Variants in USP9X observed in about 807,000 individuals in gnomAD.
USP9X encodes ubiquitin specific peptidase 9 X-linked.
USP9X carries 7 observed loss-of-function variants against 190.3 expected under a neutral mutation model. The ratio of observed to expected loss-of-function variants is 0.04; its 90% confidence interval spans 0.02 to 0.07. USP9X has a LOEUF of 0.07. Among genes scored for constraint, USP9X ranks in the 10% least tolerant of loss-of-function variants. USP9X has a pLI of 1.00. For missense variants in USP9X, 1,010 were observed against 1,916.9 expected (o/e 0.53, Z 8.83); for synonymous variants, 645 against 659.5 (o/e 0.98, Z 0.34).
At chrX:41,199,113 G>A (rs1055232098) in intron 30 of USP9X, among the ~76,000 whole-genome samples, 2 of 110,994 alleles carry the variant, frequency 1.8e-5, no homozygotes, top group Admixed American at 9.6e-5. Context: ...GAACCCAGGA[G>A]GTGGAGGTTG....
intron 36 of USP9X, 122 bp from the exon 37 acceptor site, chrX:41,218,250 G>T: frequency 1.6e-6 from 1 of 644,925 alleles, no homozygotes; most frequent in Non-Finnish European, 2.3e-6. Context: ...AACCTTTGCT[G>T]GTTCTCTCCA....
intron 1 of USP9X, among the ~76,000 whole-genome samples, chrX:41,090,793 G>T (rs191304215): frequency 3.6e-5 from 4 of 111,256 alleles, no homozygotes; most frequent in Non-Finnish European, 7.5e-5. Flanking sequence ...AAAAATTCCA[G>T]ACTGAAACAC....
intron 9 of USP9X, among the ~76,000 whole-genome samples, chrX:41,142,824 C>G (rs756574445): frequency 7.2e-5 from 8 of 111,878 alleles, no homozygotes; most frequent in Non-Finnish European, 1.3e-4. Context: ...AATAATGTAT[C>G]TCTTACTAGG....
intron 20 of USP9X, chrX:41,171,515 A>C (rs905692876): frequency 2.1e-5 from 5 of 241,871 alleles, no homozygotes; most frequent in East Asian, 9.6e-5. Context: ...TTGGCTCTCT[A>C]TAACAACTGG....
chrX:41,166,144 A>G lies in USP9X; in HGVS notation c.2258A>G (p.Lys753Arg). The change falls in exon 16 of 45, where the codon AAA becomes AGA. Residue 753 changes from lysine (K) to arginine (R), a missense_variant. Lys to Arg is a conservative substitution (Grantham distance 26, BLOSUM62 2). Transcript: ENST00000378308. ...FFKAVNCREG[K>R]LVAKRRAYMM... ...AAAGCTGTGAATTGTCGAGAAGGAAAACTAGTAGCAAAAAGGAGAGCCTAT... is the reference window on the plus strand; with the variant it reads ...AAAGCTGTGAATTGTCGAGAAGGAAGACTAGTAGCAAAAAGGAGAGCCTAT... The G allele has an allele frequency of 8.3e-7, 1 of 1,211,069 alleles. No homozygotes were observed. Among genetic ancestry groups the G allele is most frequent in the Non-Finnish European group, 1.1e-6 (1 of 895,137 alleles).
intron 21 of USP9X, among the ~76,000 whole-genome samples, chrX:41,182,428 T>TC (rs1198327817): frequency 9.1e-6 from 1 of 109,633 alleles, no homozygotes; most frequent in African/African-American, 3.3e-5. Context: ...TTTTTTTTTT[T>TC]CCTCCTACTC....
chrX:41,146,681 TTTTG>T (rs1281388353), intron 11 of USP9X, among the ~76,000 whole-genome samples: 42 of 70,061 alleles, frequency 6.0e-4, no homozygotes, highest in East Asian at 9.4e-4. Context: ...TTTTTTTTTT[TTTTG>T]GGTGAATGCC....
In USP9X at chrX:41,085,991, G is replaced by C. The variant is rs961084323; in HGVS notation, c.-277G>C. On this transcript the variant is annotated 5_prime_UTR_variant, in exon 1 of 45. Coordinates refer to ENST00000378308, the MANE Select transcript of USP9X (RefSeq NM_001039591.3). ...AGCCTTTCGATACACTTTGTTGCCG[G>C]TCACCCCCGGGCCTGGGATGCACCC... 23 of 296,463 alleles carry C rather than the reference G, an allele frequency of 7.8e-5. No homozygotes were observed. The highest frequency in any genetic ancestry group is 1.2e-4 in the Admixed American group (2 of 16,437). The allele number at this position is 296,463 out of a possible 1,213,427, so 24.4% of individuals were successfully genotyped here.
chrX:41,186,404 G>A (rs2062875969), intron 23 of USP9X, 113 bp from the exon 24 acceptor site: 2 of 869,667 alleles, frequency 2.3e-6, no homozygotes, highest in East Asian at 3.3e-5. Flanking sequence ...GTTCTATAAT[G>A]TGTATATGCA....
chrX:41,184,943 T>C (rs916107326), intron 23 of USP9X, among the ~76,000 whole-genome samples: 1 of 112,230 alleles, frequency 8.9e-6, no homozygotes, highest in South Asian at 3.7e-4. Flanking sequence ...GAATCTCTTA[T>C]TAACTTGTGC....
In USP9X at chrX:41,114,470, CT is replaced by C. The variant is rs917262083; in HGVS notation, c.-158-8993del. Among the ~76,000 whole-genome samples, 9 of 107,376 alleles carry C rather than the reference CT, an allele frequency of 8.4e-5. No individual in the cohort carries two copies. The South Asian group carries it at 2.8e-3, about 33-fold the overall frequency. 93.2% of individuals were successfully genotyped at this position (107,376 alleles called of 115,157 possible). A position where few individuals can be genotyped will look rare whatever the true frequency, so the allele number is the denominator to read the frequency against. On this transcript the variant is annotated intron_variant, in intron 1 of 44. Transcript: ENST00000378308. ...ATACATTTTCTGATTTTCTTCTTTC[CT>C]TTTTTTTCCCTTTTCTTTTTTTTTT...
chrX:41,165,482 T>A (rs1163962846), intron 15 of USP9X, among the ~76,000 whole-genome samples: 3 of 112,182 alleles, frequency 2.7e-5, no homozygotes. Flanking sequence ...CACCTCAGCC[T>A]CCCAAAGTGC....
chrX:41,193,364 A>G (rs1159911843), intron 26 of USP9X, among the ~76,000 whole-genome samples: 12 of 111,960 alleles, frequency 1.1e-4, no homozygotes, highest in Non-Finnish European at 1.9e-4. Context: ...GAATTTAAAT[A>G]AAAGATGACA....
At chrX:41,180,159 C>T (rs900347523) in intron 21 of USP9X, among the ~76,000 whole-genome samples, 4 of 112,290 alleles carry the variant, frequency 3.6e-5, no homozygotes, top group African/African-American at 6.5e-5. Flanking sequence ...TCTTGCTTTG[C>T]AATTATTATG....
chrX:41,178,104 T>C (rs1642020204), intron 21 of USP9X, among the ~76,000 whole-genome samples: 2 of 84,813 alleles, frequency 2.4e-5, no homozygotes, highest in Non-Finnish European at 4.6e-5. Context: ...TTTTTTTTTT[T>C]TTTTTTTTTT....
chrX:41,220,220 TAC>T (rs768502435), intron 38 of USP9X, among the ~76,000 whole-genome samples: 3 of 112,126 alleles, frequency 2.7e-5, no homozygotes, highest in Non-Finnish European at 5.6e-5. Flanking sequence ...GAATATTTAT[TAC>T]ACAGACAAGC....
chrX:41,136,404 G>A (rs756296887), intron 5 of USP9X, among the ~76,000 whole-genome samples: 31 of 112,141 alleles, frequency 2.8e-4, no homozygotes, highest in African/African-American at 9.4e-4. Flanking sequence ...CAAGTGATCC[G>A]CTTTCCTCAG....
chrX:41,211,825 C>G (rs2063162585), intron 33 of USP9X, among the ~76,000 whole-genome samples: 1 of 104,117 alleles, frequency 9.6e-6, no homozygotes, highest in South Asian at 4.3e-4. Flanking sequence ...GCCGCCCCGT[C>G]CGGGAGGGAG....
Position 41,216,083 on chromosome X carries a change from A to T in USP9X, c.5516A>T (p.Asn1839Ile), listed in dbSNP as rs1439910871. 2.5e-6 allele frequency: 3 copies of T among 1,210,070 alleles called. No homozygotes were observed. The highest frequency in any genetic ancestry group is 3.4e-6 in the Non-Finnish European group (3 of 895,344). The change falls in exon 35 of 45, where the codon AAT (asparagine) becomes ATT (isoleucine). Residue 1839 changes from asparagine (N) to isoleucine (I), a missense_variant. Around this residue, in one of 11 missense-constraint regions of USP9X, gnomAD observed 120 missense variants for 342.7 expected, o/e 0.35. Transcript: ENST00000378308. ...VAGVAKLEGDNVNPESQLIQQ... is the reference protein window; with the variant it reads ...VAGVAKLEGDIVNPESQLIQQ... ...GGTGTCGCAAAGCTGGAAGGGGATA[A>T]TGTAAACCCAGAGAGTCAGTTGATA...
Sources: gnomAD v4.1 joint callset for allele counts (sites outside exome capture counted in the v4.1 genomes callset) on GRCh38, gnomAD v4.1.1 for gene constraint, gnomAD v4.1.1 regional missense constraint, MANE v1.5 for transcripts, NCBI Gene and HGNC (gene_info 2026-07-23, HGNC 2026-07-21) for gene names.